The following KAZN variants were observed in gnomAD, a reference collection of about 807,000 sequenced individuals.
The protein encoded by KAZN is kazrin.
A neutral mutation model predicts 87.4 loss-of-function variants in KAZN; 40 were observed. That is an observed-to-expected ratio of 0.46 (90% CI 0.36 to 0.60). KAZN has a LOEUF of 0.60. KAZN is among the 20% of genes least tolerant of loss of function. The pLI is 0.00. For missense variants in KAZN, 898 were observed against 1,073.9 expected (o/e 0.84, Z 2.29); for synonymous variants, 466 against 458.3 (o/e 1.02, Z -0.22).
At chr1:14,066,779 A>G (rs967715482) in intron 1 of KAZN, among the ~76,000 whole-genome samples, 2 of 152,180 alleles carry the variant, frequency 1.3e-5, no homozygotes, top group Admixed American at 1.3e-4. Flanking sequence ...AGGGTAGAAG[A>G]TTGCAGACCA....
At chr1:15,031,101 G>T (rs945011965) in intron 2 of KAZN, among the ~76,000 whole-genome samples, 1 of 152,252 alleles carries the variant, frequency 6.6e-6, no homozygotes, top group Admixed American at 6.5e-5. Context: ...GGATGGCACA[G>T]TCATTGCCAT....
intron 1 of KAZN, among the ~76,000 whole-genome samples, chr1:14,948,466 A>G (rs888204637): frequency 2.0e-5 from 3 of 151,764 alleles, no homozygotes; most frequent in African/African-American, 7.3e-5. Flanking sequence ...GACTTGGGTC[A>G]TGTGCCTTCT....
At chr1:13,929,022 G>T (rs1640396042) in intron 1 of KAZN, among the ~76,000 whole-genome samples, 2 of 150,186 alleles carry the variant, frequency 1.3e-5, no homozygotes, top group African/African-American at 2.4e-5. Flanking sequence ...CCAGCTGAGG[G>T]CCAAGGTCTA....
intron 2 of KAZN, among the ~76,000 whole-genome samples, chr1:14,294,066 C>T (rs1653931922): frequency 1.3e-5 from 2 of 152,160 alleles, no homozygotes; most frequent in Admixed American, 1.3e-4. Context: ...CCAGTTTTAT[C>T]CCCATTTACA....
chr1:14,250,844 AAG>A (rs1215603909), intron 2 of KAZN, among the ~76,000 whole-genome samples: 2 of 147,568 alleles, frequency 1.4e-5, no homozygotes, highest in Admixed American at 6.6e-5. Flanking sequence ...AATAGCAAAA[AAG>A]AAGAAACTAA....
At chr1:14,823,001 G>A (rs968078984) in intron 1 of KAZN, among the ~76,000 whole-genome samples, 3 of 152,094 alleles carry the variant, frequency 2.0e-5, no homozygotes, top group Admixed American at 6.5e-5. Flanking sequence ...GGGAAGGGGG[G>A]CTTCCCAAAG....
intron 2 of KAZN, among the ~76,000 whole-genome samples, chr1:14,552,609 T>C (rs752712509): frequency 1.3e-5 from 2 of 152,126 alleles, no homozygotes; most frequent in Non-Finnish European, 2.9e-5. Flanking sequence ...TCTCCTCCCA[T>C]CACAAAAGCT....
At chr1:14,575,404 G>C (rs1271120792) in intron 2 of KAZN, among the ~76,000 whole-genome samples, 1 of 152,128 alleles carries the variant, frequency 6.6e-6, no homozygotes, top group East Asian at 1.9e-4. Context: ...CCAAGAGAAA[G>C]GGGTTTCCCT....
chr1:14,434,272 C>G (rs540803680), intron 2 of KAZN, among the ~76,000 whole-genome samples: 1 of 152,120 alleles, frequency 6.6e-6, no homozygotes, highest in Non-Finnish European at 1.5e-5. Flanking sequence ...ATTCTTCCTC[C>G]GCCCCCTCCC....
chr1:14,821,515 A>G (rs75478888), intron 1 of KAZN, among the ~76,000 whole-genome samples: 1 of 143,394 alleles, frequency 7.0e-6, no homozygotes, highest in Non-Finnish European at 1.5e-5. Context: ...TCCACCTCTG[A>G]AAAAAAAAAA....
intron 2 of KAZN, among the ~76,000 whole-genome samples, chr1:14,529,236 A>G (rs1672081785): frequency 2.0e-5 from 3 of 152,252 alleles, no homozygotes; most frequent in Admixed American, 6.5e-5. Flanking sequence ...CCTGGGAGGC[A>G]GAGGTTGCAG....
chr1:14,854,543 C>A (rs960941968), intron 1 of KAZN, among the ~76,000 whole-genome samples: 2 of 152,120 alleles, frequency 1.3e-5, no homozygotes, highest in Non-Finnish European at 1.5e-5. Flanking sequence ...CGTGAAGAGA[C>A]AAAACCTGAG....
intron 1 of KAZN, 31 bp from the exon 2 acceptor site, chr1:14,960,653 T>C (rs1270307354): frequency 5.8e-6 from 9 of 1,545,824 alleles, no homozygotes; most frequent in Non-Finnish European, 7.9e-6. Flanking sequence ...GAGACGTTCC[T>C]GTCCTCTAAC....
intron 1 of KAZN, among the ~76,000 whole-genome samples, chr1:14,867,724 A>ACCCCCCCCCCCCCCC (rs1553148134): frequency 9.3e-6 from 1 of 107,422 alleles, no homozygotes; most frequent in Non-Finnish European, 1.8e-5. Flanking sequence ...CTTTGAAGAC[A>ACCCCCCCCCCCCCCC]CCCCCCCCCC....
intron 1 of KAZN, among the ~76,000 whole-genome samples, chr1:14,081,415 C>T (rs1643670187): frequency 3.9e-5 from 6 of 152,038 alleles, no homozygotes. Flanking sequence ...AGTTGATGAG[C>T]CATACCTAGG....
chr1:14,432,184 GA>G, intron 2 of KAZN, among the ~76,000 whole-genome samples: 1 of 152,268 alleles, frequency 6.6e-6, no homozygotes, highest in Non-Finnish European at 1.5e-5. Flanking sequence ...CTTCCCCAAA[GA>G]ACAACTTTTT....
At chr1:14,081,484 A>G (rs1262660178) in intron 1 of KAZN, among the ~76,000 whole-genome samples, 1 of 151,996 alleles carries the variant, frequency 6.6e-6, no homozygotes, top group African/African-American at 2.4e-5. Context: ...TTGTTTTTGT[A>G]TGGCTCGTGT....
chr1:14,623,925 T>C (rs1331555134), intron 1 of KAZN, among the ~76,000 whole-genome samples: 9 of 152,238 alleles, frequency 5.9e-5, no homozygotes, highest in Non-Finnish European at 1.3e-4. Flanking sequence ...AGTCCTTTAA[T>C]AATTTTTGAG....
At chr1:15,048,937 C>T (rs909791940) in intron 4 of KAZN, among the ~76,000 whole-genome samples, 3 of 151,728 alleles carry the variant, frequency 2.0e-5, no homozygotes, top group Non-Finnish European at 4.4e-5. Flanking sequence ...TTTTAGCATG[C>T]TGACAACATT....
Sources: allele counts gnomAD v4.1 joint callset (sites outside exome capture counted in the v4.1 genomes callset), GRCh38; gene constraint gnomAD v4.1.1; transcripts MANE v1.5; gene names NCBI Gene and HGNC (gene_info 2026-07-23, HGNC 2026-07-21).